Variants in APOBEC3F observed in about 807,000 individuals in gnomAD.
APOBEC3F encodes the protein apolipoprotein B mRNA editing enzyme catalytic subunit 3F.
A neutral mutation model predicts 45.8 loss-of-function variants in APOBEC3F; 34 were observed. That is an observed-to-expected ratio of 0.74 (90% CI 0.57 to 0.99). The LOEUF (loss-of-function observed/expected upper bound fraction) is 0.99, where lower values mean the gene tolerates loss of function less well. APOBEC3F is among the 50% of genes least tolerant of loss of function. The pLI is 0.00. For synonymous variants in APOBEC3F, 192 were observed against 174.4 expected, an observed-to-expected ratio of 1.10 and a Z score of -0.80; for missense variants, 459 against 474.1, an observed-to-expected ratio of 0.97 and a Z score of 0.30.
chr22:39,052,794 A>G lies in APOBEC3F; in HGVS notation c.*99A>G, dbSNP rs773881392. The G allele has an allele frequency of 3.9e-6, 6 of 1,520,076 alleles. No individual in the cohort carries two copies. The East Asian group carries it at 1.1e-4, about 29-fold the overall frequency. The allele number at this position is 1,520,076 out of a possible 1,614,324, so 94.2% of individuals were successfully genotyped here. ...GGACCAGCTGTGCTTTTGCCTGGTC[A>G]TCCTGAGCCCCTCCTGGCCTCAGGG... On this transcript the variant is annotated 3_prime_UTR_variant, in exon 7 of 7. Coordinates refer to ENST00000308521, the MANE Select transcript of APOBEC3F (RefSeq NM_145298.6).
At position 39,052,644 on chromosome 22, in the gene APOBEC3F, A is replaced by C. The variant is rs747582135; in HGVS notation, c.1071A>C (p.Leu357=). The C allele has an allele frequency of 1.2e-6, 2 of 1,614,146 alleles. No homozygotes were observed. Among genetic ancestry groups the C allele is most frequent in the Non-Finnish European group, 1.7e-6 (2 of 1,179,994 alleles). The change falls in exon 7 of 7, where the codon CTA becomes CTC. Residue 357 remains leucine, a synonymous_variant. Coordinates refer to ENST00000308521, the MANE Select transcript of APOBEC3F (RefSeq NM_145298.6). ...DDEPFKPWKG[L]KYNFLFLDSK... ...AGCCATTCAAGCCTTGGAAAGGACTAAAATACAACTTTCTATTCCTGGACA... is the reference window on the plus strand; with the variant it reads ...AGCCATTCAAGCCTTGGAAAGGACTCAAATACAACTTTCTATTCCTGGACA...
intron 4 of APOBEC3F, among the ~76,000 whole-genome samples, chr22:39,048,871 G>A (rs1313479690): frequency 1.3e-5 from 2 of 152,124 alleles, no homozygotes; most frequent in East Asian, 3.9e-4. Context: ...CGTAATCCCA[G>A]CTACTCAGGA....
intron 1 of APOBEC3F, among the ~76,000 whole-genome samples, chr22:39,042,511 C>A (rs1302571876): frequency 6.6e-6 from 1 of 152,054 alleles, no homozygotes. Context: ...TGGGTTTCAC[C>A]ATGTTGGTGA....
chr22:39,043,362 G>A (rs1176783566), intron 2 of APOBEC3F, among the ~76,000 whole-genome samples: 2 of 147,704 alleles, frequency 1.4e-5, no homozygotes, highest in South Asian at 2.2e-4. Context: ...GTGCAATGAC[G>A]CGATCTCGGC....
At chr22:39,042,733 G>T (rs1926978425) in intron 1 of APOBEC3F, among the ~76,000 whole-genome samples, 1 of 152,152 alleles carries the variant, frequency 6.6e-6, no homozygotes. Context: ...GAAGAGGTCA[G>T]CCTGCCCCTG....
chr22:39,043,298 GTTTTTTT>G (rs386353176), intron 2 of APOBEC3F, among the ~76,000 whole-genome samples: 2 of 120,072 alleles, frequency 1.7e-5, no homozygotes, highest in African/African-American at 6.5e-5. Flanking sequence ...AAGGCCTTGT[GTTTTTTT>G]TTTTTTTTTT....
rs768596016 is a variant in APOBEC3F, at chr22:39,042,977, A to C, written c.58A>C (p.Asn20His). The C allele has an allele frequency of 5.0e-6, 8 of 1,614,108 alleles. No homozygotes were observed. In the East Asian group the frequency reaches 1.6e-4, roughly 31 times the overall value. Reference protein sequence around the residue: ...ERMYRDTFSYNFYNRPILSRR... With the variant: ...ERMYRDTFSYHFYNRPILSRR... The stretch of plus-strand genomic sequence containing the variant: ...AATGTATCGAGACACATTCTCCTAC[A>C]ACTTTTATAATAGACCCATCCTTTC... Residue 20 changes from asparagine (N) to histidine (H), a missense_variant, in exon 2 of 7, where the codon AAC becomes CAC. Asn to His is a moderately conservative substitution (Grantham distance 68). Transcript: ENST00000308521.
At chr22:39,042,858 G>T (rs1457767744) in intron 1 of APOBEC3F, 79 bp from the exon 2 acceptor site, 7 of 1,577,430 alleles carry the variant, frequency 4.4e-6, no homozygotes, top group African/African-American at 1.4e-5. Flanking sequence ...CATGCAGGGG[G>T]CTGTGTTTAG....
chr22:39,040,942 CG>C lies in APOBEC3F; in HGVS notation c.-16del, dbSNP rs35339694. 6.4e-7 allele frequency: 1 copy of C among 1,571,896 alleles called. No individual in the cohort carries two copies. The highest frequency in any genetic ancestry group is 1.3e-5 in the African/African-American group (1 of 74,300). On this transcript the variant is annotated 5_prime_UTR_variant, in exon 1 of 7. Coordinates refer to ENST00000308521, the MANE Select transcript of APOBEC3F (RefSeq NM_145298.6). Reference sequence around the variant, plus strand: ...TGGTGCTCCAGACAAAGATCTTAGTCGGGACTAGCCGGCCAAGGATGAAGCC... The same window carrying C: ...TGGTGCTCCAGACAAAGATCTTAGTCGGACTAGCCGGCCAAGGATGAAGCC...
intron 1 of APOBEC3F, 115 bp downstream of exon 1, chr22:39,041,092 C>T: frequency 6.6e-7 from 1 of 1,504,508 alleles, no homozygotes; most frequent in East Asian, 2.5e-5. Flanking sequence ...GGGCTCCCTC[C>T]CCTCTGGCTC....
In APOBEC3F at chr22:39,055,768, G is replaced by A. The variant is rs1927668064; in HGVS notation, c.*3073G>A. 6.6e-6 allele frequency among the ~76,000 whole-genome samples: 1 copy of A among 152,110 alleles called. No homozygotes were observed. Among genetic ancestry groups the A allele is most frequent in the Non-Finnish European group, 1.5e-5 (1 of 68,014 alleles). Reference sequence around the variant, plus strand: ...ATGAGGAAGCATTGTGAAACTTTCTGGTCTGTTCTGCTAGCCCCCACCACT... The same window carrying A: ...ATGAGGAAGCATTGTGAAACTTTCTAGTCTGTTCTGCTAGCCCCCACCACT... On this transcript the variant is annotated 3_prime_UTR_variant, in exon 7 of 7. Transcript: ENST00000308521.
In APOBEC3F at chr22:39,052,189, G is replaced by C. The variant is rs749084962; in HGVS notation, c.839G>C (p.Cys280Ser). 1 of 1,614,162 alleles carries C rather than the reference G, an allele frequency of 6.2e-7. No individual in the cohort carries two copies. Among genetic ancestry groups the C allele is most frequent in the Admixed American group, 1.7e-5 (1 of 60,022 alleles). ...EVTWYTSWSPCPECAGEVAEF... is the reference protein window; with the variant it reads ...EVTWYTSWSPSPECAGEVAEF... The stretch of plus-strand genomic sequence containing the variant: ...ACCTGGTACACATCTTGGAGCCCTT[G>C]CCCAGAGTGTGCAGGGGAGGTGGCC... The change falls in exon 6 of 7, where the codon TGC becomes TCC. Residue 280 changes from cysteine (C) to serine (S), a missense_variant. By Grantham distance (112) the Cys-to-Ser change is moderately radical. Transcript: ENST00000308521.
chr22:39,052,400 TGAGGG>T (rs745757764), intron 6 of APOBEC3F, 47 bp downstream of exon 6: 1 of 1,605,788 alleles, frequency 6.2e-7, no homozygotes, highest in Non-Finnish European at 8.5e-7. Flanking sequence ...AGGGACAGCA[TGAGGG>T]GCAGGTGTGT....
intron 2 of APOBEC3F, chr22:39,044,179 C>T (rs777133595): frequency 1.2e-6 from 2 of 1,606,188 alleles, no homozygotes; most frequent in Non-Finnish European, 1.7e-6. Context: ...CCAGTGGCCT[C>T]CCCAGCTGAC....
chr22:39,042,576 T>C (rs987490243), intron 1 of APOBEC3F, among the ~76,000 whole-genome samples: 1 of 152,176 alleles, frequency 6.6e-6, no homozygotes, highest in Non-Finnish European at 1.5e-5. Flanking sequence ...CCTCCCAAAG[T>C]GCTGGGATTA....
Position 39,052,951 on chromosome 22 carries a change from T to G in APOBEC3F, c.*256T>G, listed in dbSNP as rs1927569236. 3 of 646,768 alleles carry G rather than the reference T, an allele frequency of 4.6e-6. No individual in the cohort carries two copies. The highest frequency in any genetic ancestry group is 6.5e-6 in the Non-Finnish European group (3 of 459,030). 40.1% of individuals were successfully genotyped at this position (646,768 alleles called of 1,614,324 possible). A position where few individuals can be genotyped will look rare whatever the true frequency, so the allele number is the denominator to read the frequency against. On this transcript the variant is annotated 3_prime_UTR_variant, in exon 7 of 7. Coordinates refer to ENST00000308521, the MANE Select transcript of APOBEC3F (RefSeq NM_145298.6). The stretch of plus-strand genomic sequence containing the variant: ...CCTGTTCCCTGAGCCTGCATGCCCC[T>G]AACCTGCCTTTTCCCATCTCCCCAG...
At chr22:39,045,249 G>A (rs1167365595) in intron 3 of APOBEC3F, 29 bp downstream of exon 3, 8 of 1,609,334 alleles carry the variant, frequency 5.0e-6, no homozygotes, top group Non-Finnish European at 4.2e-6. Flanking sequence ...AGGGGAGCGT[G>A]AGCGGGAGGA....
In APOBEC3F at chr22:39,055,077, C is replaced by CG. The variant is rs1555903170; in HGVS notation, c.*2382_*2383insG. Among the ~76,000 whole-genome samples, 1 of 144,220 alleles carries CG rather than the reference C, an allele frequency of 6.9e-6. No individual in the cohort carries two copies. The highest frequency in any genetic ancestry group is 1.5e-5 in the Non-Finnish European group (1 of 66,394). The allele number at this position is 144,220 out of a possible 152,430, so 94.6% of individuals were successfully genotyped here. On this transcript the variant is annotated 3_prime_UTR_variant, in exon 7 of 7. Coordinates refer to ENST00000308521, the MANE Select transcript of APOBEC3F (RefSeq NM_145298.6). ...CTGGGGTCTCTCTGCTTCCAAATATCTTTTTTTTTTTTTTCAGACAGTTTT... is the reference window on the plus strand; with the variant it reads ...CTGGGGTCTCTCTGCTTCCAAATATCGTTTTTTTTTTTTTTCAGACAGTTTT...
At chr22:39,044,790 T>A in intron 2 of APOBEC3F, 151 bp from the exon 3 acceptor site, 2 of 752,730 alleles carry the variant, frequency 2.7e-6, no homozygotes, top group Non-Finnish European at 4.3e-6. Context: ...GAGCAGACAA[T>A]CACTCAAACT....
Sources: allele counts gnomAD v4.1 joint callset (sites outside exome capture counted in the v4.1 genomes callset), GRCh38; gene constraint gnomAD v4.1.1; transcripts MANE v1.5; gene names NCBI Gene and HGNC (gene_info 2026-07-23, HGNC 2026-07-21).